Variants in IQCK observed in about 807,000 individuals in gnomAD.
The protein encoded by IQCK is IQ domain-containing protein K.
A neutral mutation model predicts 28.1 loss-of-function variants in IQCK; 29 were observed. That is an observed-to-expected ratio of 1.03 (90% CI 0.77 to 1.41). IQCK has a LOEUF of 1.41. Ranked by LOEUF, IQCK falls within the 40% of genes most tolerant of loss-of-function variation. The pLI is 0.00. For synonymous variants in IQCK, 113 were observed against 115.1 expected (o/e 0.98, Z 0.12); for missense variants, 359 against 314.7 (o/e 1.14, Z -1.07).
intron 1 of IQCK, among the ~76,000 whole-genome samples, chr16:19,718,888 G>A (rs888725878): frequency 2.0e-5 from 3 of 152,238 alleles, no homozygotes; most frequent in Admixed American, 2.0e-4. Context: ...GGGATGCAGG[G>A]AATCTGCACT....
At chr16:19,806,015 G>A (rs1026145098) in intron 7 of IQCK, among the ~76,000 whole-genome samples, 3 of 152,124 alleles carry the variant, frequency 2.0e-5, no homozygotes, top group Non-Finnish European at 2.9e-5. Context: ...GAGGCCATCC[G>A]GTAGTCAGAA....
intron 4 of IQCK, among the ~76,000 whole-genome samples, chr16:19,742,030 G>A (rs1222900603): frequency 6.6e-6 from 1 of 152,100 alleles, no homozygotes; most frequent in Non-Finnish European, 1.5e-5. Context: ...TTATAAGAGT[G>A]GAGAAGCTTG....
At chr16:19,834,606 T>C (rs2056272169) in intron 9 of IQCK, among the ~76,000 whole-genome samples, 3 of 152,190 alleles carry the variant, frequency 2.0e-5, no homozygotes, top group Non-Finnish European at 1.5e-5. Flanking sequence ...GGCTTGGCAG[T>C]AGAGGAGGCT....
chr16:19,823,935 A>T (rs1023186774), intron 7 of IQCK, among the ~76,000 whole-genome samples: 15 of 146,450 alleles, frequency 1.0e-4, no homozygotes, highest in Admixed American at 9.1e-4. Flanking sequence ...TCCCTCTTAA[A>T]AAATAAATAA....
intron 4 of IQCK, among the ~76,000 whole-genome samples, chr16:19,749,530 C>T (rs1187315302): frequency 6.6e-6 from 1 of 152,154 alleles, no homozygotes; most frequent in African/African-American, 2.4e-5. Context: ...GAGGCTGAGG[C>T]AAGAGCATCG....
chr16:19,728,776 G>A (rs1977738710), intron 1 of IQCK, among the ~76,000 whole-genome samples: 2 of 152,132 alleles, frequency 1.3e-5, no homozygotes, highest in Middle Eastern at 3.2e-3. Context: ...AATAGAAAAC[G>A]AATACAGTTG....
intron 4 of IQCK, among the ~76,000 whole-genome samples, chr16:19,763,143 A>G (rs2055174557): frequency 6.6e-6 from 1 of 152,158 alleles, no homozygotes; most frequent in African/African-American, 2.4e-5. Flanking sequence ...TTAACTACTA[A>G]TACCCTACTA....
chr16:19,847,171 G>C (rs956385320), intron 9 of IQCK, among the ~76,000 whole-genome samples: 3 of 152,154 alleles, frequency 2.0e-5, no homozygotes, highest in Admixed American at 2.0e-4. Flanking sequence ...GTAAAGCCCT[G>C]AGCCTAGTGT....
intron 9 of IQCK, among the ~76,000 whole-genome samples, chr16:19,850,046 T>C (rs2056463049): frequency 6.6e-6 from 1 of 152,270 alleles, no homozygotes; most frequent in Admixed American, 6.5e-5. Flanking sequence ...ATCATGTTTT[T>C]ATGGCTTCAT....
At chr16:19,781,620 C>T (rs2055485686) in intron 6 of IQCK, among the ~76,000 whole-genome samples, 1 of 152,210 alleles carries the variant, frequency 6.6e-6, no homozygotes, top group African/African-American at 2.4e-5. Flanking sequence ...CGGCTAGTCA[C>T]CATATGTCTG....
chr16:19,719,274 G>C (rs915638465), intron 1 of IQCK, among the ~76,000 whole-genome samples: 1 of 152,084 alleles, frequency 6.6e-6, no homozygotes, highest in Non-Finnish European at 1.5e-5. Context: ...GTAAGCGCTA[G>C]TTCTTAATGA....
intron 4 of IQCK, among the ~76,000 whole-genome samples, chr16:19,742,182 A>G (rs908369813): frequency 4.6e-5 from 7 of 152,148 alleles, no homozygotes; most frequent in Non-Finnish European, 1.0e-4. Flanking sequence ...AGGGGAAGTA[A>G]TGAATGATAC....
At position 19,792,351 on chromosome 16, in the gene IQCK, G is replaced by A. The variant is rs115253209; in HGVS notation, c.690+3429G>A. On this transcript the variant is annotated intron_variant, in intron 7 of 7. Coordinates refer to ENST00000564186, the Ensembl canonical transcript of IQCK. Reference sequence around the variant, plus strand: ...CTACTTGTTACAAAAATGTACTCTCGTAGATTGCAGTTTATGATCCATGGA... The same window carrying A: ...CTACTTGTTACAAAAATGTACTCTCATAGATTGCAGTTTATGATCCATGGA... 1.8e-3 allele frequency among the ~76,000 whole-genome samples: 88 copies of A among 49,124 alleles called. 12 individuals are homozygous for A. The African/African-American group carries it at 0.033, about 19-fold the overall frequency. 32.2% of individuals were successfully genotyped at this position (49,124 alleles called of 152,430 possible). A position where few individuals can be genotyped will look rare whatever the true frequency, so the allele number is the denominator to read the frequency against.
intron 4 of IQCK, among the ~76,000 whole-genome samples, chr16:19,759,905 A>G (rs987474884): frequency 6.6e-6 from 1 of 152,068 alleles, no homozygotes; most frequent in African/African-American, 2.4e-5. Flanking sequence ...CAGGAGGATC[A>G]CTTGAGCCCA....
At chr16:19,773,128 G>T (rs1159905735) in intron 6 of IQCK, among the ~76,000 whole-genome samples, 3 of 152,208 alleles carry the variant, frequency 2.0e-5, no homozygotes, top group Non-Finnish European at 2.9e-5. Context: ...AACCAGGAGG[G>T]CTGGGGGCCA....
At position 19,772,210 on chromosome 16, in the gene IQCK, C is replaced by T. The variant is rs138765910; in HGVS notation, c.605+8098C>T. On this transcript the variant is annotated intron_variant, in intron 6 of 7. Transcript: ENST00000564186. ...TACCATATTTTCTGAATTATGTTAA[C>T]GCTTTAGCAACCAATTTTCGGGAAG... Among the ~76,000 whole-genome samples the T allele has an allele frequency of 5.9e-3, 900 of 152,226 alleles. 5 individuals carry two copies. The highest frequency in any genetic ancestry group is 0.02 in the African/African-American group (820 of 41,530).
intron 4 of IQCK, among the ~76,000 whole-genome samples, chr16:19,747,200 C>T (rs1021621750): frequency 4.6e-5 from 7 of 152,168 alleles, no homozygotes; most frequent in East Asian, 1.9e-4. Flanking sequence ...TTTCTTCTGG[C>T]CTTGGCTGGG....
intron 6 of IQCK, among the ~76,000 whole-genome samples, chr16:19,774,291 T>C (rs1027164238): frequency 2.0e-4 from 30 of 151,654 alleles, no homozygotes; most frequent in Non-Finnish European, 1.5e-5. Flanking sequence ...TGAACAAAGT[T>C]CCCCCCGTAA....
chr16:19,775,866 CTTTTTTTTTTTTTTTT>C (rs570530152), intron 6 of IQCK, among the ~76,000 whole-genome samples: 1 of 37,700 alleles, frequency 2.7e-5, no homozygotes, highest in Non-Finnish European at 4.4e-5. Context: ...TGGGCACAGG[CTTTTTTTTTTTTTTTT>C]TTTTTTTTTT....
Sources: allele counts gnomAD v4.1 joint callset (sites outside exome capture counted in the v4.1 genomes callset), GRCh38; gene constraint gnomAD v4.1.1; transcripts MANE v1.5; gene names NCBI Gene and HGNC (gene_info 2026-07-23, HGNC 2026-07-21).